Variants in MPZL1 observed in about 807,000 individuals in gnomAD.
The protein encoded by MPZL1 is myelin protein zero-like protein 1.
MPZL1 carries 16 observed loss-of-function variants against 29.3 expected under a neutral mutation model. The ratio of observed to expected loss-of-function variants is 0.55; its 90% CI spans 0.37 to 0.83. MPZL1 has a LOEUF of 0.83. MPZL1 is among the 40% of genes least tolerant of loss of function. MPZL1 has a pLI of 0.00. For missense variants in MPZL1, 279 were observed against 332.9 expected (o/e 0.84, Z 1.26); for synonymous variants, 143 against 132.0 (o/e 1.08, Z -0.57).
At chr1:167,731,972 G>A (rs574964349) in intron 1 of MPZL1, among the ~76,000 whole-genome samples, 1 of 152,122 alleles carries the variant, frequency 6.6e-6, no homozygotes, top group Non-Finnish European at 1.5e-5. Flanking sequence ...AAATTCTTTG[G>A]CTGCAAAATT....
intron 4 of MPZL1, 79 bp from the exon 5 acceptor site, chr1:167,775,984 GT>G: frequency 1.1e-6 from 1 of 942,764 alleles, no homozygotes; most frequent in African/African-American, 1.7e-5. Context: ...CTTGCCGTCA[GT>G]TGCATTTCTA....
At chr1:167,764,265 T>C (rs1328541209) in intron 1 of MPZL1, among the ~76,000 whole-genome samples, 1 of 152,208 alleles carries the variant, frequency 6.6e-6, no homozygotes, top group African/African-American at 2.4e-5. Flanking sequence ...TCTTTAAGAA[T>C]TTGGCAAATA....
chr1:167,744,568 C>T (rs1238896268), intron 1 of MPZL1, among the ~76,000 whole-genome samples: 2 of 151,570 alleles, frequency 1.3e-5, no homozygotes, highest in Non-Finnish European at 2.9e-5. Context: ...TCTATAATCC[C>T]AGCTACTTGG....
chr1:167,771,887 G>T (rs1661257966), intron 2 of MPZL1, among the ~76,000 whole-genome samples: 2 of 152,086 alleles, frequency 1.3e-5, no homozygotes, highest in South Asian at 4.1e-4. Context: ...ACCTTGGGAG[G>T]CTGAGGCAGG....
intron 1 of MPZL1, among the ~76,000 whole-genome samples, chr1:167,752,294 G>C (rs142152556): frequency 2.6e-4 from 39 of 152,150 alleles, no homozygotes; most frequent in Admixed American, 1.4e-3. Context: ...TAGTCTATTT[G>C]CTACTTCAGG....
At chr1:167,727,596 C>T (rs1201809488) in intron 1 of MPZL1, among the ~76,000 whole-genome samples, 1 of 152,184 alleles carries the variant, frequency 6.6e-6, no homozygotes, top group Non-Finnish European at 1.5e-5. Flanking sequence ...GGCTCTGAGA[C>T]TTGACCCCTA....
In MPZL1 at chr1:167,747,019, T is replaced by C. The variant is rs529185988; in HGVS notation, c.92-18564T>C. On this transcript the variant is annotated intron_variant, in intron 1 of 5. Transcript: ENST00000359523. Reference sequence around the variant, plus strand: ...TGTTCATCAGAGAGCCACTGAGATATATAGAGAGTTAGAAGATCAGTCAGG... The same window carrying C: ...TGTTCATCAGAGAGCCACTGAGATACATAGAGAGTTAGAAGATCAGTCAGG... 2.0e-4 allele frequency among the ~76,000 whole-genome samples: 30 copies of C among 152,292 alleles called. No homozygotes were observed. The South Asian group carries it at 5.8e-3, about 30-fold the overall frequency.
chr1:167,762,591 G>T (rs1481749257), intron 1 of MPZL1, among the ~76,000 whole-genome samples: 2 of 152,202 alleles, frequency 1.3e-5, no homozygotes, highest in Admixed American at 6.5e-5. Flanking sequence ...TCGGTGCTTG[G>T]CCCAAGGTGA....
chr1:167,776,258 TGA>T (rs1491309650), intron 5 of MPZL1, 92 bp downstream of exon 5: 1 of 861,870 alleles, frequency 1.2e-6, no homozygotes. Context: ...TACTGAGCTA[TGA>T]GAGACAGAGA....
At chr1:167,774,970 A>T (rs1046450689) in intron 4 of MPZL1, 2 of 152,188 alleles carry the variant, frequency 1.3e-5, no homozygotes, top group Non-Finnish European at 2.9e-5. Context: ...TTGTCCATGA[A>T]TATGTCACAT....
chr1:167,731,304 C>T (rs1221628799), intron 1 of MPZL1, among the ~76,000 whole-genome samples: 1 of 113,478 alleles, frequency 8.8e-6, no homozygotes, highest in African/African-American at 3.5e-5. Context: ...GATATGGTGG[C>T]ACACACCTGT....
intron 1 of MPZL1, among the ~76,000 whole-genome samples, chr1:167,762,942 G>T (rs1661019090): frequency 6.6e-6 from 1 of 152,202 alleles, no homozygotes; most frequent in Non-Finnish European, 1.5e-5. Context: ...TGATGGGCTA[G>T]CTTTGGATTT....
At chr1:167,745,461 C>T (rs1255081335) in intron 1 of MPZL1, among the ~76,000 whole-genome samples, 1 of 151,940 alleles carries the variant, frequency 6.6e-6, no homozygotes, top group African/African-American at 2.4e-5. Flanking sequence ...CTTTTAAAAA[C>T]ACGGAAAATA....
intron 1 of MPZL1, among the ~76,000 whole-genome samples, chr1:167,735,800 A>G (rs1010734099): frequency 3.3e-5 from 5 of 152,246 alleles, no homozygotes; most frequent in Non-Finnish European, 7.3e-5. Context: ...TGCTTTACTC[A>G]GAGTCCCCCA....
chr1:167,757,115 A>C (rs1168512761), intron 1 of MPZL1, among the ~76,000 whole-genome samples: 1 of 152,200 alleles, frequency 6.6e-6, no homozygotes, highest in Non-Finnish European at 1.5e-5. Flanking sequence ...AGAGAGGTCC[A>C]CAATAGCAGC....
chr1:167,755,961 T>C (rs1245059564), intron 1 of MPZL1, among the ~76,000 whole-genome samples: 2 of 152,158 alleles, frequency 1.3e-5, no homozygotes, highest in Admixed American at 1.3e-4. Flanking sequence ...ATCCCAGGGC[T>C]TTAGAGTCAA....
At chr1:167,776,893 T>C (rs1661379046) in intron 5 of MPZL1, among the ~76,000 whole-genome samples, 1 of 152,210 alleles carries the variant, frequency 6.6e-6, no homozygotes, top group East Asian at 1.9e-4. Flanking sequence ...CTGGTGGGAA[T>C]GGATTTAAGA....
At chr1:167,750,253 T>C (rs1660728774) in intron 1 of MPZL1, among the ~76,000 whole-genome samples, 1 of 152,116 alleles carries the variant, frequency 6.6e-6, no homozygotes, top group African/African-American at 2.4e-5. Flanking sequence ...CAGGCTGGAG[T>C]GCAATGCCGC....
intron 5 of MPZL1, among the ~76,000 whole-genome samples, chr1:167,781,691 A>C (rs916900895): frequency 6.6e-6 from 1 of 152,144 alleles, no homozygotes; most frequent in Non-Finnish European, 1.5e-5. Context: ...ATTAAACCCA[A>C]CATAAACAGA....
Sources: allele counts gnomAD v4.1 joint callset (sites outside exome capture counted in the v4.1 genomes callset), GRCh38; gene constraint gnomAD v4.1.1; transcripts MANE v1.5; gene names NCBI Gene and HGNC (gene_info 2026-07-23, HGNC 2026-07-21).